FAM13A: variants seen among roughly 807,000 people sequenced by gnomAD.
The protein encoded by FAM13A is protein FAM13A.
A neutral mutation model predicts 129.6 loss-of-function variants in FAM13A; 76 were observed. That is an observed-to-expected ratio of 0.59 (90% CI 0.49 to 0.71). The LOEUF (loss-of-function observed/expected upper bound fraction) is 0.71, where lower values mean the gene tolerates loss of function less well. FAM13A is among the 30% of genes least tolerant of loss of function. FAM13A has a pLI of 0.00. For missense variants in FAM13A, 1,108 were observed against 1,249.3 expected (o/e 0.89, Z 1.70); for synonymous variants, 443 against 449.9 (o/e 0.98, Z 0.20).
rs117172260 is a variant in FAM13A, at chr4:88,819,264, G to A, written c.1008-14212C>T. ...AAGAACAGGATGCCAACACATGAAAGCAGATGTCAATGCACTGAAATCAAA... is the reference window on the plus strand; with the variant it reads ...AAGAACAGGATGCCAACACATGAAAACAGATGTCAATGCACTGAAATCAAA... On this transcript the variant is annotated intron_variant, in intron 7 of 23. Transcript: ENST00000264344. Among the ~76,000 whole-genome samples the A allele has an allele frequency of 1.5e-4, 23 of 152,316 alleles. No individual in the cohort carries two copies. The East Asian group carries it at 4.4e-3, about 29-fold the overall frequency.
chr4:88,795,680 T>C (rs1726018496), intron 8 of FAM13A, among the ~76,000 whole-genome samples: 1 of 151,856 alleles, frequency 6.6e-6, no homozygotes, highest in Admixed American at 6.6e-5. Context: ...GAACAATCTT[T>C]ATTCTCAAAT....
At chr4:89,000,173 A>C (rs1764061040) in intron 3 of FAM13A, among the ~76,000 whole-genome samples, 1 of 152,220 alleles carries the variant, frequency 6.6e-6, no homozygotes. Flanking sequence ...AAGTTACAAT[A>C]TAACATAGCA....
At chr4:88,781,805 A>G (rs1722922714) in intron 10 of FAM13A, among the ~76,000 whole-genome samples, 2 of 151,442 alleles carry the variant, frequency 1.3e-5, no homozygotes, top group South Asian at 2.1e-4. Flanking sequence ...ACACATGGAC[A>G]CAGGAAGGGG....
intron 1 of FAM13A, among the ~76,000 whole-genome samples, chr4:89,041,542 T>C (rs565943817): frequency 1.4e-5 from 2 of 142,278 alleles, no homozygotes; most frequent in African/African-American, 2.7e-5. Flanking sequence ...AAATAATGTA[T>C]GTAAAAGCAT....
chr4:88,955,545 T>C (rs1757619864), intron 4 of FAM13A, among the ~76,000 whole-genome samples: 1 of 152,146 alleles, frequency 6.6e-6, no homozygotes, highest in Admixed American at 6.5e-5. Context: ...ACTTTGGAAT[T>C]GGTAACAGGC....
At chr4:88,894,403 C>A (rs1457030453) in intron 6 of FAM13A, among the ~76,000 whole-genome samples, 1 of 152,064 alleles carries the variant, frequency 6.6e-6, no homozygotes. Flanking sequence ...AGGCAACACA[C>A]TATGTACTAT....
chr4:88,913,266 TGGA>T (rs1749451223), intron 5 of FAM13A, among the ~76,000 whole-genome samples: 1 of 36,148 alleles, frequency 2.8e-5, no homozygotes, highest in Admixed American at 2.8e-4. Context: ...GAGGAAGAAG[TGGA>T]GGAGGAAGAG....
Position 89,038,060 on chromosome 4 carries a change from A to G in FAM13A, c.28-8411T>C, listed in dbSNP as rs115977626. On this transcript the variant is annotated intron_variant, in intron 1 of 23. Transcript: ENST00000264344. ...GCCAGAACATAACCCCAGATCCTTA[A>G]GGCTCCAGTGCTTGAGCTTTTAATG... is the stretch of plus-strand genomic sequence containing the variant. Among the ~76,000 whole-genome samples the G allele has an allele frequency of 4.7e-3, 717 of 152,340 alleles. 6 individuals carry two copies. Among genetic ancestry groups the G allele is most frequent in the African/African-American group, 0.017 (696 of 41,588 alleles).
chr4:88,994,172 C>T (rs1763259711), intron 3 of FAM13A, among the ~76,000 whole-genome samples: 2 of 152,106 alleles, frequency 1.3e-5, no homozygotes, highest in South Asian at 2.1e-4. Context: ...AGGATGTGAG[C>T]GTCCTCTACA....
intron 5 of FAM13A, among the ~76,000 whole-genome samples, chr4:88,929,715 A>AT (rs1193346376): frequency 6.6e-6 from 1 of 151,700 alleles, no homozygotes; most frequent in African/African-American, 2.4e-5. Flanking sequence ...GCTTCAGTGC[A>AT]TTTTTTTAAT....
chr4:88,852,885 AAT>A (rs1737853176), intron 6 of FAM13A, among the ~76,000 whole-genome samples: 1 of 152,204 alleles, frequency 6.6e-6, no homozygotes, highest in African/African-American at 2.4e-5. Flanking sequence ...ATATAAAAAC[AAT>A]ATATGAAGAA....
At chr4:88,994,558 G>T (rs148691687) in intron 3 of FAM13A, among the ~76,000 whole-genome samples, 1 of 152,158 alleles carries the variant, frequency 6.6e-6, no homozygotes, top group South Asian at 2.1e-4. Context: ...CATAATAATT[G>T]GCAGGGTGTG....
At chr4:88,769,230 G>A (rs1720113291) in intron 11 of FAM13A, among the ~76,000 whole-genome samples, 1 of 152,114 alleles carries the variant, frequency 6.6e-6, no homozygotes, top group Admixed American at 6.6e-5. Context: ...AACACATAGA[G>A]GAGAAAACTA....
At chr4:88,913,342 G>A (rs1395189526) in intron 5 of FAM13A, among the ~76,000 whole-genome samples, 2 of 140,904 alleles carry the variant, frequency 1.4e-5, no homozygotes, top group Non-Finnish European at 3.1e-5. Context: ...AAGAAGAAGA[G>A]GAAGAAGAGG....
intron 11 of FAM13A, 65 bp downstream of exon 11, chr4:88,781,100 A>C (rs1037465238): frequency 8.6e-7 from 1 of 1,165,080 alleles, no homozygotes; most frequent in Non-Finnish European, 1.2e-6. Flanking sequence ...TAATTTTTTT[A>C]CAAAGCAAAG....
chr4:88,921,571 C>A (rs1751095966), intron 5 of FAM13A, among the ~76,000 whole-genome samples: 1 of 152,132 alleles, frequency 6.6e-6, no homozygotes, highest in South Asian at 2.1e-4. Context: ...TGGAAAGGAA[C>A]AACTGGTACC....
At chr4:88,740,716 C>T (rs1047329913) in intron 19 of FAM13A, among the ~76,000 whole-genome samples, 2 of 152,138 alleles carry the variant, frequency 1.3e-5, no homozygotes, top group African/African-American at 4.8e-5. Context: ...CCTTTGTTGC[C>T]TTTTGTATTT....
chr4:89,018,014 T>A (rs1348790560), intron 3 of FAM13A, among the ~76,000 whole-genome samples: 1 of 152,114 alleles, frequency 6.6e-6, no homozygotes, highest in Non-Finnish European at 1.5e-5. Flanking sequence ...AATAAAATCA[T>A]TTTTTTCAAA....
chr4:88,799,706 A>G (rs1727028546), intron 8 of FAM13A, among the ~76,000 whole-genome samples: 1 of 152,166 alleles, frequency 6.6e-6, no homozygotes, highest in South Asian at 2.1e-4. Context: ...GATGGTCTCG[A>G]TCTCCTGACC....
Sources: gnomAD v4.1 joint callset for allele counts (sites outside exome capture counted in the v4.1 genomes callset) on GRCh38, gnomAD v4.1.1 for gene constraint, MANE v1.5 for transcripts, NCBI Gene and HGNC (gene_info 2026-07-23, HGNC 2026-07-21) for gene names.